The following DMD variants were observed in gnomAD, a reference collection of about 807,000 sequenced individuals.
DMD encodes mutant dystrophin.
A neutral mutation model predicts 330.1 loss-of-function variants in DMD; 63 were observed. The observed-to-expected ratio is 0.19, with a 90% CI of 0.16 to 0.24. The LOEUF is 0.24. Among genes scored for constraint, DMD ranks in the 10% least tolerant of loss-of-function variants. The pLI, the probability that DMD is intolerant of heterozygous loss-of-function variation, is 1.00. For synonymous variants in DMD, 1,223 were observed against 959.8 expected (o/e 1.27, Z -5.07); for missense variants, 3,344 against 2,684.1 (o/e 1.25, Z -5.43).
intron 58 of DMD, among the ~76,000 whole-genome samples, chrX:31,478,659 C>G (rs370764310): frequency 1.8e-5 from 2 of 111,869 alleles, no homozygotes; most frequent in African/African-American, 6.5e-5. Flanking sequence ...TTCAGGCAGG[C>G]TCTTAAATGG....
At chrX:32,855,592 G>A (rs2081482960) in intron 2 of DMD, among the ~76,000 whole-genome samples, 1 of 111,761 alleles carries the variant, frequency 8.9e-6, no homozygotes, top group Non-Finnish European at 1.9e-5. Context: ...AAATGGTGCT[G>A]AGAAAACTGG....
At chrX:32,858,351 GAC>G (rs891730886) in intron 2 of DMD, among the ~76,000 whole-genome samples, 1 of 111,865 alleles carries the variant, frequency 8.9e-6, no homozygotes, top group African/African-American at 3.3e-5. Flanking sequence ...TATTTTTTGA[GAC>G]AGAGTCTCGC....
chrX:31,890,586 A>G (rs1353002076), intron 47 of DMD, among the ~76,000 whole-genome samples: 1 of 107,617 alleles, frequency 9.3e-6, no homozygotes, highest in Non-Finnish European at 2.0e-5. Flanking sequence ...TACAAGCCGT[A>G]CTACACTATT....
At chrX:32,853,785 AAC>A (rs1365196099) in intron 2 of DMD, among the ~76,000 whole-genome samples, 1 of 106,739 alleles carries the variant, frequency 9.4e-6, no homozygotes, top group African/African-American at 3.4e-5. Context: ...AAAAAAAAAA[AAC>A]AAACAACAAC....
intron 55 of DMD, among the ~76,000 whole-genome samples, chrX:31,605,200 C>T (rs1313817059): frequency 1.2e-4 from 13 of 111,694 alleles, no homozygotes. Context: ...CTTCTCTGAC[C>T]ATGTTCTGCT....
In DMD at chrX:32,634,739, C is replaced by T. The variant is rs182468565; in HGVS notation, c.1331+9393G>A. On this transcript the variant is annotated intron_variant, in intron 11 of 78. Coordinates refer to ENST00000357033, the MANE Select transcript of DMD (RefSeq NM_004006.3). ...AGCAAGACAAAGTTCTCTTTCTTGT[C>T]TCCTCTCTTCTTCATAAGCGGAAGG... Among the ~76,000 whole-genome samples the T allele has an allele frequency of 5.7e-3, 634 of 111,835 alleles. 4 individuals are homozygous for T. The highest frequency in any genetic ancestry group is 0.018 in the African/African-American group (560 of 30,780).
intron 3 of DMD, among the ~76,000 whole-genome samples, chrX:32,849,499 C>T (rs1225472870): frequency 9.0e-6 from 1 of 111,617 alleles, no homozygotes; most frequent in Non-Finnish European, 1.9e-5. Context: ...AGTAGTAAAA[C>T]TGAATAATAT....
At chrX:31,564,634 A>G (rs1019870489) in intron 55 of DMD, among the ~76,000 whole-genome samples, 1 of 112,289 alleles carries the variant, frequency 8.9e-6, no homozygotes, top group Non-Finnish European at 1.9e-5. Context: ...AAAACAATCA[A>G]ATAAGACCCC....
intron 23 of DMD, among the ~76,000 whole-genome samples, chrX:32,465,582 G>GTTTTTTTTT (rs1191063866): frequency 6.5e-4 from 50 of 76,642 alleles, no homozygotes; most frequent in East Asian, 1.6e-3. Flanking sequence ...TTTGTTTTTT[G>GTTTTTTTTT]TTTTTTTTTT....
chrX:32,908,676 A>G (rs756564051), intron 2 of DMD, among the ~76,000 whole-genome samples: 3 of 111,914 alleles, frequency 2.7e-5, no homozygotes, highest in South Asian at 3.7e-4. Context: ...CTGTCAATCA[A>G]TAAGATTATA....
At chrX:32,723,063 C>T (rs1388377219) in intron 7 of DMD, among the ~76,000 whole-genome samples, 2 of 111,220 alleles carry the variant, frequency 1.8e-5, no homozygotes, top group African/African-American at 6.5e-5. Flanking sequence ...ATCATATTAG[C>T]TATAGGCTTT....
intron 1 of DMD, among the ~76,000 whole-genome samples, chrX:33,077,836 T>C (rs957732247): frequency 1.8e-5 from 2 of 112,570 alleles, no homozygotes; most frequent in African/African-American, 6.5e-5. Flanking sequence ...AATAGTTTAC[T>C]ATAGATTTTC....
intron 52 of DMD, among the ~76,000 whole-genome samples, chrX:31,722,210 C>T (rs1176604813): frequency 9.1e-6 from 1 of 110,253 alleles, no homozygotes; most frequent in African/African-American, 3.3e-5. Flanking sequence ...CCTCCGCCTC[C>T]CGGGTTCAAG....
chrX:31,806,410 A>C (rs1353222373), intron 50 of DMD, among the ~76,000 whole-genome samples: 1 of 112,345 alleles, frequency 8.9e-6, no homozygotes, highest in South Asian at 3.6e-4. Flanking sequence ...GGAATTTATA[A>C]TCTTCATTCT....
chrX:32,839,730 ATT>A (rs61327287), intron 4 of DMD, among the ~76,000 whole-genome samples: 10,903 of 103,842 alleles, frequency 0.1, 482 homozygotes, highest in East Asian at 0.18. Flanking sequence ...AAGATAATGC[ATT>A]TTTTTTTTTT....
intron 57 of DMD, among the ~76,000 whole-genome samples, chrX:31,487,826 A>T (rs2068937485): frequency 8.9e-6 from 1 of 112,325 alleles, no homozygotes; most frequent in Admixed American, 9.4e-5. Flanking sequence ...ATATTAATTT[A>T]TAAATGAGAT....
intron 48 of DMD, among the ~76,000 whole-genome samples, chrX:31,854,313 C>T (rs765160148): frequency 9.0e-6 from 1 of 111,672 alleles, no homozygotes; most frequent in South Asian, 3.7e-4. Flanking sequence ...AATAAAATAA[C>T]AATGCATACT....
At chrX:32,086,687 TG>T in intron 44 of DMD, among the ~76,000 whole-genome samples, 1 of 111,667 alleles carries the variant, frequency 9.0e-6, no homozygotes, top group African/African-American at 3.3e-5. Context: ...TGGAGAGGCA[TG>T]TGACAGTAGA....
chrX:33,003,707 G>T (rs908054268), intron 2 of DMD, among the ~76,000 whole-genome samples: 4 of 111,574 alleles, frequency 3.6e-5, no homozygotes, highest in African/African-American at 1.3e-4. Flanking sequence ...AATAGTCTCT[G>T]AATAAAATCA....
Sources: allele counts gnomAD v4.1 joint callset (sites outside exome capture counted in the v4.1 genomes callset), GRCh38; gene constraint gnomAD v4.1.1; transcripts MANE v1.5; gene names NCBI Gene and HGNC (gene_info 2026-07-23, HGNC 2026-07-21).